PMM2: variants seen among roughly 807,000 people sequenced by gnomAD.
The protein encoded by PMM2 is mannose-6-phosphate isomerase.
A neutral mutation model predicts 33.2 loss-of-function variants in PMM2; 35 were observed. The observed-to-expected ratio is 1.06, with a 90% CI of 0.81 to 1.40. The LOEUF (loss-of-function observed/expected upper bound fraction) is 1.40. Ranked by LOEUF, PMM2 falls within the 40% of genes most tolerant of loss-of-function variation. PMM2 has a pLI of 0.00. For missense variants in PMM2, 386 were observed against 306.0 expected, an observed-to-expected ratio of 1.26 and a Z score of -1.95; for synonymous variants, 153 against 114.7, an observed-to-expected ratio of 1.33 and a Z score of -2.13.
At chr16:8,834,259 C>T (rs1333989270) in intron 7 of PMM2, among the ~76,000 whole-genome samples, 1 of 152,160 alleles carries the variant, frequency 6.6e-6, no homozygotes, top group Non-Finnish European at 1.5e-5. Flanking sequence ...TCCATTCTAC[C>T]TTTCCTGAAG....
chr16:8,825,538 C>G (rs370429374), intron 7 of PMM2, among the ~76,000 whole-genome samples: 1 of 151,434 alleles, frequency 6.6e-6, no homozygotes, highest in Admixed American at 6.6e-5. Flanking sequence ...CCAGGCTGGT[C>G]TTGAACTCCT....
At chr16:8,810,972 C>T in intron 4 of PMM2, 107 bp from the exon 5 acceptor site, 2 of 731,330 alleles carry the variant, frequency 2.7e-6, no homozygotes, top group Non-Finnish European at 5.0e-6. Flanking sequence ...ACATTGACCA[C>T]ACTAGCCTCT....
chr16:8,829,518 A>C (rs1358835085), intron 7 of PMM2, among the ~76,000 whole-genome samples: 1 of 152,224 alleles, frequency 6.6e-6, no homozygotes, highest in Non-Finnish European at 1.5e-5. Flanking sequence ...GCCAGAGCAG[A>C]GTACACATGA....
At chr16:8,801,950 ACTT>A (rs762998328) in intron 2 of PMM2, 40 bp downstream of exon 2, 7 of 1,345,280 alleles carry the variant, frequency 5.2e-6, no homozygotes, top group Admixed American at 3.4e-5. Context: ...TAAAAGATTA[ACTT>A]CTTATGAGGA....
intron 2 of PMM2, chr16:8,802,512 C>T (rs2060622081): frequency 3.4e-6 from 1 of 297,740 alleles, no homozygotes; most frequent in African/African-American, 2.2e-5. Context: ...TCCATAGCCA[C>T]AGGGCCTCCT....
intron 1 of PMM2, among the ~76,000 whole-genome samples, chr16:8,800,498 T>A (rs1354164159): frequency 2.6e-5 from 4 of 152,226 alleles, no homozygotes; most frequent in Admixed American, 6.5e-5. Context: ...ATAACTTTTT[T>A]AAAATTATCA....
At chr16:8,835,351 T>A (rs1046920232) in intron 7 of PMM2, among the ~76,000 whole-genome samples, 1 of 151,922 alleles carries the variant, frequency 6.6e-6, no homozygotes, top group Non-Finnish European at 1.5e-5. Context: ...CAGATGGGGA[T>A]GAAATTTGGG....
chr16:8,810,143 G>C (rs2060669867), intron 4 of PMM2: 2 of 152,188 alleles, frequency 1.3e-5, no homozygotes, highest in African/African-American at 2.4e-5. Flanking sequence ...GTCATTTGAA[G>C]TGACTAAACT....
intron 7 of PMM2, among the ~76,000 whole-genome samples, chr16:8,840,965 G>C (rs958423277): frequency 6.6e-6 from 1 of 152,014 alleles, no homozygotes; most frequent in African/African-American, 2.4e-5. Flanking sequence ...CTGGTGTCTG[G>C]GATGAGGTTG....
rs151251334 is a variant in PMM2 at position 8,812,850 on chromosome 16, A to C, written c.524-141A>C. On this transcript the variant is annotated intron_variant, in intron 6 of 7. Coordinates refer to ENST00000268261, the MANE Select transcript of PMM2 (RefSeq NM_000303.3). ...AATTTCTAGAACCTATGCATGAAGT[A>C]GTCTAAGTAGCAAACTAGAGTACTG... is the stretch of plus-strand genomic sequence containing the variant. 1.3e-3 allele frequency: 923 copies of C among 698,886 alleles called. 5 individuals are homozygous for C. In the African/African-American group the frequency reaches 0.014, roughly 10 times the overall value. The allele number at this position is 698,886 out of a possible 1,614,324, so 43.3% of individuals were successfully genotyped here. A position where few individuals can be genotyped will look rare whatever the true frequency, so the allele number is the denominator to read the frequency against.
At position 8,847,740 on chromosome 16, in the gene PMM2, A is replaced by T. The variant is rs536195556; in HGVS notation, c.656A>T (p.Glu219Val). Reference sequence around the variant, plus strand: ...TCTTTCCAGGGTGGCAATGACCATGAGATCTTCACAGACCCCAGAACCATG... The same window carrying T: ...TCTTTCCAGGGTGGCAATGACCATGTGATCTTCACAGACCCCAGAACCATG... The part of the protein sequence containing the change: ...DKTMPGGNDH[E>V]IFTDPRTMGY... The change falls in exon 8 of 8, where the codon GAG becomes GTG. Residue 219 changes from glutamate to valine, a missense_variant. By Grantham distance (121) the Glu-to-Val change is moderately radical. Coordinates refer to ENST00000268261, the MANE Select transcript of PMM2 (RefSeq NM_000303.3). 6.2e-7 allele frequency: 1 copy of T among 1,613,598 alleles called. No homozygotes were observed. Among genetic ancestry groups the T allele is most frequent in the Non-Finnish European group, 8.5e-7 (1 of 1,179,566 alleles).
chr16:8,843,415 G>C (rs892356293), intron 7 of PMM2, among the ~76,000 whole-genome samples: 4 of 152,180 alleles, frequency 2.6e-5, no homozygotes, highest in Non-Finnish European at 5.9e-5. Context: ...GGGGCTCTGG[G>C]AGTGGCTGCC....
At position 8,811,172 on chromosome 16, in the gene PMM2, C is replaced by T. The variant is rs146990448; in HGVS notation, c.441C>T (p.Leu147=). The change falls in exon 5 of 8, where the codon CTC becomes CTT. Residue 147 remains leucine, a synonymous_variant. Transcript: ENST00000268261. ...SQEERIEFYE[L]DKKENIRQKF... is the part of the protein sequence containing the mutation. ...AAGAACGCATTGAGTTCTACGAACT[C>T]GATAAAGTACGTCTTTCTGAAATAT... 248 of 1,547,044 alleles carry T rather than the reference C, an allele frequency of 1.6e-4. 1 individual carries two copies. The highest frequency in any genetic ancestry group is 2.3e-4 in the African/African-American group (17 of 73,182).
intron 2 of PMM2, 178 bp downstream of exon 2, chr16:8,802,088 C>A (rs2060619945): frequency 3.4e-6 from 2 of 593,762 alleles, no homozygotes; most frequent in African/African-American, 1.8e-5. Context: ...CAGTACATTT[C>A]TGGAGTTACT....
chr16:8,843,501 A>G (rs538178343), intron 7 of PMM2, among the ~76,000 whole-genome samples: 16 of 125,712 alleles, frequency 1.3e-4, no homozygotes, highest in South Asian at 5.0e-4. Context: ...CCTGGGCTGC[A>G]GGCATTCCTT....
At chr16:8,823,099 C>G (rs1213664081) in intron 7 of PMM2, among the ~76,000 whole-genome samples, 1 of 152,058 alleles carries the variant, frequency 6.6e-6, no homozygotes, top group Non-Finnish European at 1.5e-5. Flanking sequence ...TTTCCTAGTC[C>G]TAAGACTAGA....
At chr16:8,806,243 C>T (rs1028958783) in intron 3 of PMM2, 73 bp from the exon 4 acceptor site, 7 of 955,748 alleles carry the variant, frequency 7.3e-6, no homozygotes, top group Non-Finnish European at 1.2e-5. Flanking sequence ...GGCTGAAGAC[C>T]CTGGGTTTGC....
chr16:8,838,970 A>C (rs975093659), intron 7 of PMM2, among the ~76,000 whole-genome samples: 3 of 152,008 alleles, frequency 2.0e-5, no homozygotes, highest in Non-Finnish European at 4.4e-5. Flanking sequence ...GCAGCTAAAG[A>C]GTCAACTTGG....
At chr16:8,847,366 G>A (rs1049620532) in intron 7 of PMM2, among the ~76,000 whole-genome samples, 5 of 109,638 alleles carry the variant, frequency 4.6e-5, no homozygotes, top group Non-Finnish European at 9.1e-5. Context: ...TTAGAAAAGC[G>A]TAGGTACAGC....
Sources: gnomAD v4.1 joint callset for allele counts (sites outside exome capture counted in the v4.1 genomes callset) on GRCh38, gnomAD v4.1.1 for gene constraint, MANE v1.5 for transcripts, NCBI Gene and HGNC (gene_info 2026-07-23, HGNC 2026-07-21) for gene names.